The following ERBB4 variants were observed in gnomAD, a reference collection of about 807,000 sequenced individuals.
ERBB4 encodes erb-b2 receptor tyrosine kinase 4.
ERBB4 carries 42 observed loss-of-function variants against 158.0 expected under a neutral mutation model. The ratio of observed to expected loss-of-function variants is 0.27; its 90% confidence interval spans 0.21 to 0.34. ERBB4 has a LOEUF of 0.34. Ranked by LOEUF, ERBB4 falls within the 10% of genes least tolerant of loss-of-function variation. The pLI is 1.00. For missense variants in ERBB4, 1,333 were observed against 1,624.1 expected (o/e 0.82, Z 3.08); for synonymous variants, 583 against 558.7 (o/e 1.04, Z -0.61).
intron 2 of ERBB4, 76 bp downstream of exon 2, chr2:212,124,676 A>G: frequency 6.7e-7 from 1 of 1,503,018 alleles, no homozygotes; most frequent in Non-Finnish European, 9.3e-7. Context: ...TCCAGGTATC[A>G]GCACACAGGT....
At chr2:212,066,663 C>T (rs2077957522) in intron 2 of ERBB4, among the ~76,000 whole-genome samples, 1 of 151,874 alleles carries the variant, frequency 6.6e-6, no homozygotes, top group Admixed American at 6.6e-5. Context: ...ACCAAATTTC[C>T]TTGTCAATTG....
chr2:212,250,614 T>C (rs1295379741), intron 1 of ERBB4, among the ~76,000 whole-genome samples: 1 of 151,994 alleles, frequency 6.6e-6, no homozygotes, highest in Non-Finnish European at 1.5e-5. Context: ...ACCATCTGAA[T>C]TGATAATATT....
At chr2:212,043,574 AATT>A (rs149571486) in intron 2 of ERBB4, among the ~76,000 whole-genome samples, 22,275 of 152,024 alleles carry the variant, frequency 0.15, 2,348 homozygotes, top group African/African-American at 0.29. Context: ...TTCAAATTCA[AATT>A]ATTAATACAT....
At chr2:211,794,195 CT>C (rs1380036288) in intron 3 of ERBB4, among the ~76,000 whole-genome samples, 1 of 151,902 alleles carries the variant, frequency 6.6e-6, no homozygotes, top group Non-Finnish European at 1.5e-5. Flanking sequence ...TTAATACATA[CT>C]TCAGTATCCA....
intron 1 of ERBB4, among the ~76,000 whole-genome samples, chr2:212,534,872 T>C (rs894242130): frequency 6.6e-5 from 10 of 152,194 alleles, no homozygotes; most frequent in Admixed American, 6.5e-4. Flanking sequence ...AATCAGCCAA[T>C]GCAAACTTAC....
intron 1 of ERBB4, among the ~76,000 whole-genome samples, chr2:212,299,797 T>C (rs925128807): frequency 1.3e-5 from 2 of 151,636 alleles, no homozygotes; most frequent in Admixed American, 1.3e-4. Context: ...ATCTTTATAA[T>C]AGTTTTTCAC....
chr2:212,468,883 T>C (rs1237777134), intron 1 of ERBB4, among the ~76,000 whole-genome samples: 2 of 152,206 alleles, frequency 1.3e-5, no homozygotes, highest in African/African-American at 4.8e-5. Context: ...ATCTGCCACA[T>C]TACCAATTTA....
intron 3 of ERBB4, among the ~76,000 whole-genome samples, chr2:211,874,145 A>G (rs1205982836): frequency 6.6e-6 from 1 of 152,178 alleles, no homozygotes; most frequent in Non-Finnish European, 1.5e-5. Flanking sequence ...AGTCAAAAAA[A>G]GCAAACAAAC....
chr2:211,779,928 A>G (rs1436042192), intron 4 of ERBB4, among the ~76,000 whole-genome samples: 2 of 152,206 alleles, frequency 1.3e-5, no homozygotes, highest in Non-Finnish European at 2.9e-5. Context: ...ATCCAGTTCA[A>G]TTAGGCCTTC....
intron 20 of ERBB4, among the ~76,000 whole-genome samples, chr2:211,465,160 G>A (rs1414906683): frequency 6.6e-6 from 1 of 151,748 alleles, no homozygotes; most frequent in African/African-American, 2.4e-5. Flanking sequence ...TTACATTCTT[G>A]AAAGCCAGTT....
At chr2:211,904,709 A>G (rs1021097831) in intron 3 of ERBB4, among the ~76,000 whole-genome samples, 89 of 152,194 alleles carry the variant, frequency 5.8e-4, no homozygotes, top group Non-Finnish European at 9.1e-4. Flanking sequence ...ACTTGAATTC[A>G]TAAAAGCATA....
rs148992844 is a variant in ERBB4 at position 211,725,173 on chromosome 2, T to G, written c.644A>C (p.Glu215Ala). 134 of 1,613,926 alleles carry G rather than the reference T, an allele frequency of 8.3e-5. 1 individual carries two copies. In the African/African-American group the frequency reaches 1.4e-3, roughly 17 times the overall value. ...TCCGTAGCATCTGCCGTCACATTGT[T>G]CTGCACACACCGTCCTTGTCACTGC... ...CQTLTRTVCA[E>A]QCDGRCYGPY... Residue 215 changes from glutamate to alanine, a missense_variant, in exon 6 of 28, where the codon GAA becomes GCA. By Grantham distance (107) the Glu-to-Ala change is moderately radical (BLOSUM62 -1). This residue lies in a region of ERBB4 where 438 missense variants were observed against 586.9 expected (regional missense o/e 0.75). Transcript: ENST00000342788.
chr2:211,871,540 T>C (rs2078345998), intron 3 of ERBB4, among the ~76,000 whole-genome samples: 1 of 150,934 alleles, frequency 6.6e-6, no homozygotes, highest in African/African-American at 2.4e-5. Context: ...TCATGGGTCA[T>C]TCAGACTTTA....
intron 1 of ERBB4, among the ~76,000 whole-genome samples, chr2:212,355,730 T>C (rs2089438835): frequency 6.6e-6 from 1 of 152,016 alleles, no homozygotes; most frequent in African/African-American, 2.4e-5. Flanking sequence ...AAAGGGTATA[T>C]GTTATATTAA....
chr2:212,353,312 T>C (rs2089330867), intron 1 of ERBB4, among the ~76,000 whole-genome samples: 1 of 151,008 alleles, frequency 6.6e-6, no homozygotes, highest in Non-Finnish European at 1.5e-5. Flanking sequence ...TTATAAAAGA[T>C]ATACAAATGT....
At chr2:211,807,200 T>A (rs952413601) in intron 3 of ERBB4, among the ~76,000 whole-genome samples, 14 of 152,172 alleles carry the variant, frequency 9.2e-5, no homozygotes, top group African/African-American at 3.4e-4. Context: ...ACGTGCAGGT[T>A]TGTTACATAG....
chr2:211,765,212 A>G (rs2075522819), intron 4 of ERBB4, among the ~76,000 whole-genome samples: 1 of 152,178 alleles, frequency 6.6e-6, no homozygotes, highest in African/African-American at 2.4e-5. Context: ...AAACTCATGT[A>G]GAAACACCCA....
In ERBB4 at chr2:211,948,753, G is replaced by T. The variant is rs73079310; in HGVS notation, c.235-1137C>A. ...ATTCTAACTAACCCTTTTCATTTCA[G>T]ATGCTCCAAGGCTGTTTTTGGTACT... On this transcript the variant is annotated intron_variant, in intron 2 of 27. Coordinates refer to ENST00000342788, the MANE Select transcript of ERBB4 (RefSeq NM_005235.3). Among the ~76,000 whole-genome samples the T allele has an allele frequency of 4.9e-3, 747 of 151,776 alleles. 8 individuals are homozygous for T. Among genetic ancestry groups the T allele is most frequent in the African/African-American group, 0.017 (704 of 41,388 alleles).
At chr2:211,830,571 T>A (rs2371344) in intron 3 of ERBB4, among the ~76,000 whole-genome samples, 22,273 of 152,168 alleles carry the variant, frequency 0.15, 1,982 homozygotes, top group African/African-American at 0.24. Context: ...AACTTTATAG[T>A]AGCTTCTAAA....
Sources: gnomAD v4.1 joint callset for allele counts (sites outside exome capture counted in the v4.1 genomes callset) on GRCh38, gnomAD v4.1.1 for gene constraint, gnomAD v4.1.1 regional missense constraint, MANE v1.5 for transcripts, NCBI Gene and HGNC (gene_info 2026-07-23, HGNC 2026-07-21) for gene names.